Variants in MCTP2 observed in about 807,000 individuals in gnomAD.
The protein encoded by MCTP2 is multiple C2 and transmembrane domain containing 2.
MCTP2 carries 132 observed loss-of-function variants against 111.6 expected under a neutral mutation model. The observed-to-expected ratio is 1.18, with a 90% CI of 1.03 to 1.37. The LOEUF (loss-of-function observed/expected upper bound fraction) is 1.37, where lower values mean the gene tolerates loss of function less well. Among genes scored for constraint, MCTP2 ranks in the 40% most tolerant of loss-of-function variants. The pLI is 0.00. For missense variants in MCTP2, 1,183 were observed against 1,067.9 expected (o/e 1.11, Z -1.50); for synonymous variants, 395 against 387.7 (o/e 1.02, Z -0.22).
At chr15:94,383,730 CG>C (rs1306777936) in intron 12 of MCTP2, among the ~76,000 whole-genome samples, 2 of 152,162 alleles carry the variant, frequency 1.3e-5, no homozygotes, top group Non-Finnish European at 2.9e-5. Flanking sequence ...GTCCTTCCCA[CG>C]ACACATGGGA....
intron 14 of MCTP2, among the ~76,000 whole-genome samples, chr15:94,398,355 G>A (rs534871940): frequency 2.5e-4 from 38 of 152,324 alleles, no homozygotes; most frequent in African/African-American, 8.7e-4. Flanking sequence ...GAAGTTCAAA[G>A]AGAATACAGG....
At chr15:94,427,829 T>G (rs1384114194) in intron 17 of MCTP2, among the ~76,000 whole-genome samples, 2 of 152,218 alleles carry the variant, frequency 1.3e-5, no homozygotes, top group African/African-American at 4.8e-5. Context: ...TGTTTGTTTG[T>G]GTATATTAAG....
chr15:94,399,948 C>T lies in MCTP2; in HGVS notation c.1918C>T (p.Pro640Ser), dbSNP rs780831962. ...PVKASIRTFTPREKRFVEDSR... is the reference protein window; with the variant it reads ...PVKASIRTFTSREKRFVEDSR... The stretch of plus-strand genomic sequence containing the variant: ...GAAAGCAAGTATTAGGACTTTTACT[C>T]CCCGGGAAAAGCGCTTTGTTGAAGA... The change falls in exon 16 of 23, where the codon CCC (proline) becomes TCC (serine). Residue 640 changes from proline to serine, a missense_variant. Transcript: ENST00000357742. 31 of 1,613,790 alleles carry T rather than the reference C, an allele frequency of 1.9e-5. No homozygotes were observed. The highest frequency in any genetic ancestry group is 8.8e-5 in the South Asian group (8 of 91,074).
Position 94,458,152 on chromosome 15 carries a change from G to T in MCTP2, c.2266G>T (p.Gly756Trp), listed in dbSNP as rs1198658550. ...DEDDKESEKKGLIERIYMVQD... is the reference protein window; with the variant it reads ...DEDDKESEKKWLIERIYMVQD... ...TGTTTTCTAGGAATCTGAGAAAAAG[G>T]GGTTGATTGAAAGAATCTATATGGT... Residue 756 changes from glycine to tryptophan, a missense_variant, in exon 20 of 23, where the codon GGG becomes TGG. Gly to Trp is a radical substitution (Grantham distance 184, BLOSUM62 -2). Transcript: ENST00000357742. 2 of 1,604,382 alleles carry T rather than the reference G, an allele frequency of 1.2e-6. No homozygotes were observed. Among genetic ancestry groups the T allele is most frequent in the East Asian group, 2.2e-5 (1 of 44,844 alleles).
chr15:94,474,157 AT>A (rs1388821341), intron 21 of MCTP2, among the ~76,000 whole-genome samples: 8 of 152,108 alleles, frequency 5.3e-5, no homozygotes, highest in Admixed American at 4.6e-4. Context: ...CCTCTGTACT[AT>A]TTAGGTTAAA....
At chr15:94,460,506 C>T (rs950167606) in intron 20 of MCTP2, among the ~76,000 whole-genome samples, 1 of 152,090 alleles carries the variant, frequency 6.6e-6, no homozygotes, top group South Asian at 2.1e-4. Flanking sequence ...GTATTGACAG[C>T]AAGGAGGATA....
intron 4 of MCTP2, among the ~76,000 whole-genome samples, chr15:94,337,477 T>TA (rs1247882777): frequency 2.0e-5 from 3 of 151,964 alleles, no homozygotes; most frequent in African/African-American, 7.3e-5. Context: ...GGCCTCTTTT[T>TA]ATTATAGTTT....
intron 17 of MCTP2, among the ~76,000 whole-genome samples, chr15:94,415,261 C>G (rs2082321498): frequency 6.6e-6 from 1 of 152,074 alleles, no homozygotes; most frequent in Non-Finnish European, 1.5e-5. Flanking sequence ...CAATTTTTGT[C>G]TTCTGCCTGC....
At chr15:94,283,409 C>A (rs532311632) in intron 1 of MCTP2, among the ~76,000 whole-genome samples, 1 of 152,282 alleles carries the variant, frequency 6.6e-6, no homozygotes, top group Non-Finnish European at 1.5e-5. Flanking sequence ...CCATGCCAAC[C>A]CCCCTTGGCT....
At chr15:94,243,884 T>C (rs780460360) in intron 1 of MCTP2, among the ~76,000 whole-genome samples, 2 of 145,672 alleles carry the variant, frequency 1.4e-5, no homozygotes, top group East Asian at 2.1e-4. Context: ...TATATTTATG[T>C]ACACATATAT....
At chr15:94,424,006 C>T (rs2082752794) in intron 17 of MCTP2, among the ~76,000 whole-genome samples, 2 of 152,072 alleles carry the variant, frequency 1.3e-5, no homozygotes, top group Admixed American at 1.3e-4. Flanking sequence ...CTGCTTTGTC[C>T]CCAGGAGTAA....
intron 20 of MCTP2, among the ~76,000 whole-genome samples, chr15:94,468,123 A>C (rs1384720729): frequency 6.6e-6 from 1 of 152,228 alleles, no homozygotes; most frequent in Non-Finnish European, 1.5e-5. Context: ...CAAACATGAC[A>C]AATGTCTGAT....
chr15:94,387,421 G>A (rs915006190), intron 14 of MCTP2, among the ~76,000 whole-genome samples: 4 of 151,924 alleles, frequency 2.6e-5, no homozygotes, highest in Non-Finnish European at 5.9e-5. Context: ...ATCACTTCCA[G>A]TCAAGAACCG....
chr15:94,399,793 T>C, intron 15 of MCTP2, 128 bp from the exon 16 acceptor site: 2 of 762,962 alleles, frequency 2.6e-6, no homozygotes, highest in Non-Finnish European at 4.6e-6. Context: ...TGTCCACCAT[T>C]TCTTTGCTCC....
At chr15:94,415,535 G>A (rs577099743) in intron 17 of MCTP2, among the ~76,000 whole-genome samples, 6 of 152,066 alleles carry the variant, frequency 3.9e-5, no homozygotes, top group Admixed American at 1.3e-4. Context: ...TAATCCTTTC[G>A]CAGTGCCATA....
chr15:94,260,145 C>T (rs1267635707), intron 1 of MCTP2, among the ~76,000 whole-genome samples: 2 of 152,200 alleles, frequency 1.3e-5, no homozygotes, highest in Non-Finnish European at 2.9e-5. Flanking sequence ...ACCCAAGGAA[C>T]CTTGAGTGCC....
chr15:94,266,538 A>G (rs2073545847), intron 1 of MCTP2, among the ~76,000 whole-genome samples: 1 of 152,188 alleles, frequency 6.6e-6, no homozygotes, highest in African/African-American at 2.4e-5. Context: ...CCTCCATTTT[A>G]AAAATGAAAA....
intron 2 of MCTP2, among the ~76,000 whole-genome samples, chr15:94,304,429 A>G (rs1429283162): frequency 2.0e-5 from 3 of 152,242 alleles, no homozygotes; most frequent in Admixed American, 2.0e-4. Flanking sequence ...GTGACAGGGC[A>G]AGATTCCATC....
rs61735139 is a variant in MCTP2, at chr15:94,298,402, G to A, written c.137G>A (p.Arg46His). 1.6e-4 allele frequency: 262 copies of A among 1,614,152 alleles called. No homozygotes were observed. In the African/African-American group the frequency reaches 3.2e-3, roughly 20 times the overall value. Residue 46 changes from arginine (R) to histidine (H), a missense_variant, in exon 2 of 23, where the codon CGC (arginine) becomes CAC (histidine). Physicochemically the swap from Arg to His is conservative, Grantham distance 29. Coordinates refer to ENST00000357742, the MANE Select transcript of MCTP2 (RefSeq NM_001385001.1). ...CTACGGGCAAGGCATCACTTGGACC[G>A]CCGTCTCAGCCTCTCTGTGCCTGAT... is the stretch of plus-strand genomic sequence containing the variant. Reference protein sequence around the residue: ...PDLRARHHLDRRLSLSVPDLL... With the variant: ...PDLRARHHLDHRLSLSVPDLL...
Sources: gnomAD v4.1 joint callset for allele counts (sites outside exome capture counted in the v4.1 genomes callset) on GRCh38, gnomAD v4.1.1 for gene constraint, MANE v1.5 for transcripts, NCBI Gene and HGNC (gene_info 2026-07-23, HGNC 2026-07-21) for gene names.